The following NAALADL2 variants were observed in gnomAD, a reference collection of about 807,000 sequenced individuals.
NAALADL2 encodes N-acetylated alpha-linked acidic dipeptidase like 2, also known as inactive N-acetylated-alpha-linked acidic dipeptidase-like protein 2.
NAALADL2 carries 76 observed loss-of-function variants against 87.2 expected under a neutral mutation model. The observed-to-expected ratio is 0.87, with a 90% confidence interval of 0.72 to 1.05. The LOEUF is 1.05. Ranked by LOEUF, NAALADL2 falls within the 50% of genes least tolerant of loss-of-function variation. The pLI is 0.00. For missense variants in NAALADL2, 1,089 were observed against 945.8 expected, an observed-to-expected ratio of 1.15 and a Z score of -1.99; for synonymous variants, 354 against 331.0, an observed-to-expected ratio of 1.07 and a Z score of -0.75.
intron 2 of NAALADL2, among the ~76,000 whole-genome samples, chr3:175,231,412 A>G (rs758990416): frequency 2.0e-5 from 3 of 152,154 alleles, no homozygotes; most frequent in Non-Finnish European, 2.9e-5. Flanking sequence ...TACATATCCC[A>G]TAAATTAAAA....
intron 3 of NAALADL2, among the ~76,000 whole-genome samples, chr3:174,740,689 G>A (rs1241860028): frequency 6.6e-6 from 1 of 151,752 alleles, no homozygotes; most frequent in East Asian, 1.9e-4. Context: ...TAAAAATTTA[G>A]CCATAGCTAA....
At chr3:175,236,859 T>C (rs1745987131) in intron 3 of NAALADL2, among the ~76,000 whole-genome samples, 1 of 152,156 alleles carries the variant, frequency 6.6e-6, no homozygotes, top group Admixed American at 6.6e-5. Context: ...AATCATCCCT[T>C]TTATTCTAAC....
At chr3:174,725,064 A>G (rs4585212) in intron 2 of NAALADL2, among the ~76,000 whole-genome samples, 125,694 of 152,080 alleles carry the variant, frequency 0.83, 52,178 homozygotes, top group Middle Eastern at 0.89. Flanking sequence ...AGTGACATTT[A>G]CTAAATTCTA....
intron 1 of NAALADL2, among the ~76,000 whole-genome samples, chr3:175,034,702 A>G (rs939722919): frequency 2.0e-5 from 3 of 152,108 alleles, no homozygotes; most frequent in African/African-American, 7.2e-5. Flanking sequence ...TTTGTCTCCT[A>G]CTGCTGGCTT....
At chr3:175,112,525 T>C (rs377350305) in intron 2 of NAALADL2, 2 of 151,808 alleles carry the variant, frequency 1.3e-5, no homozygotes, top group African/African-American at 4.8e-5. Context: ...TGTCATGACA[T>C]TAGCTAGATA....
At chr3:175,336,475 G>A (rs1005477282) in intron 5 of NAALADL2, among the ~76,000 whole-genome samples, 1 of 152,092 alleles carries the variant, frequency 6.6e-6, no homozygotes, top group African/African-American at 2.4e-5. Context: ...ACATAGAAAT[G>A]TATGGTTTGT....
chr3:174,609,565 T>C (rs1719564119), intron 2 of NAALADL2, among the ~76,000 whole-genome samples: 1 of 152,108 alleles, frequency 6.6e-6, no homozygotes, highest in Non-Finnish European at 1.5e-5. Flanking sequence ...CCATTCACAA[T>C]TGCTTCAAGG....
intron 9 of NAALADL2, among the ~76,000 whole-genome samples, chr3:175,486,336 G>T (rs1447424214): frequency 6.6e-6 from 1 of 152,010 alleles, no homozygotes; most frequent in East Asian, 1.9e-4. Context: ...CTAAAAAGAA[G>T]GCTCACCTCT....
At chr3:174,719,283 C>T (rs972458045) in intron 2 of NAALADL2, among the ~76,000 whole-genome samples, 2 of 152,018 alleles carry the variant, frequency 1.3e-5, no homozygotes, top group African/African-American at 4.8e-5. Flanking sequence ...AAAAATATCC[C>T]ATCTCTTTAT....
At position 175,356,184 on chromosome 3, in the gene NAALADL2, GA is replaced by G. The variant is rs373973913; in HGVS notation, c.1090+31864del. On this transcript the variant is annotated intron_variant, in intron 5 of 13. Coordinates refer to ENST00000454872, the MANE Select transcript of NAALADL2 (RefSeq NM_207015.3). ...GAGGAGTAGGTGGTAAAATGCAGAG[GA>G]AAAAGAAAGTCTTTAAGTCCCTTGA... 3.1e-3 allele frequency among the ~76,000 whole-genome samples: 472 copies of G among 152,122 alleles called. 5 individuals are homozygous for G. Among genetic ancestry groups the G allele is most frequent in the African/African-American group, 0.011 (442 of 41,512 alleles).
intron 1 of NAALADL2, among the ~76,000 whole-genome samples, chr3:174,543,737 G>A (rs1163611251): frequency 1.3e-5 from 2 of 152,134 alleles, no homozygotes; most frequent in South Asian, 2.1e-4. Context: ...GCCAGGTGCT[G>A]TGGCTCACAC....
chr3:175,778,780 G>C (rs548789639), intron 13 of NAALADL2, among the ~76,000 whole-genome samples: 5 of 152,136 alleles, frequency 3.3e-5, no homozygotes, highest in Non-Finnish European at 7.4e-5. Context: ...CATGGAGAGA[G>C]AGAATGGTGG....
chr3:175,396,160 T>C (rs1381460979), intron 5 of NAALADL2, among the ~76,000 whole-genome samples: 3 of 152,236 alleles, frequency 2.0e-5, no homozygotes, highest in South Asian at 2.1e-4. Context: ...TAGGTAACCA[T>C]ATATAGTATG....
chr3:175,180,565 C>G (rs1241669291), intron 2 of NAALADL2, among the ~76,000 whole-genome samples: 1 of 151,912 alleles, frequency 6.6e-6, no homozygotes, highest in Non-Finnish European at 1.5e-5. Flanking sequence ...AGTTCCCACA[C>G]ACTGTATCTC....
intron 11 of NAALADL2, among the ~76,000 whole-genome samples, chr3:175,733,059 TTAAAAA>T (rs1043917523): frequency 9.9e-5 from 15 of 152,030 alleles, no homozygotes; most frequent in African/African-American, 2.9e-4. Flanking sequence ...ACCCCAGAAC[TTAAAAA>T]TAAAAAAGGG....
chr3:174,627,082 A>T (rs1236534407), intron 2 of NAALADL2, among the ~76,000 whole-genome samples: 1 of 152,104 alleles, frequency 6.6e-6, no homozygotes, highest in Non-Finnish European at 1.5e-5. Flanking sequence ...GACCTTAGGG[A>T]TCTAAAAGTT....
In NAALADL2 at chr3:175,205,895, C is replaced by T. The variant is rs76384647; in HGVS notation, c.546-28036C>T. 5.3e-3 allele frequency among the ~76,000 whole-genome samples: 799 copies of T among 151,300 alleles called. 3 individuals carry two copies. The highest frequency in any genetic ancestry group is 0.017 in the Middle Eastern group (5 of 288). On this transcript the variant is annotated intron_variant, in intron 2 of 13. Coordinates refer to ENST00000454872, the MANE Select transcript of NAALADL2 (RefSeq NM_207015.3). ...GGAAATGCAAATCAAAACCATCACG[C>T]GCTACCACCTTACCCCTGCAACAAT...
intron 1 of NAALADL2, among the ~76,000 whole-genome samples, chr3:175,019,923 A>C (rs1751356358): frequency 6.6e-6 from 1 of 152,078 alleles, no homozygotes; most frequent in Non-Finnish European, 1.5e-5. Context: ...GCTATTGGGA[A>C]GAAGGAGTTT....
chr3:175,299,122 G>A (rs1397841730), intron 4 of NAALADL2, among the ~76,000 whole-genome samples: 2 of 152,074 alleles, frequency 1.3e-5, no homozygotes, highest in African/African-American at 4.8e-5. Flanking sequence ...TGTACCATTG[G>A]TCTATATATC....
Sources: gnomAD v4.1 joint callset for allele counts (sites outside exome capture counted in the v4.1 genomes callset) on GRCh38, gnomAD v4.1.1 for gene constraint, MANE v1.5 for transcripts, NCBI Gene and HGNC (gene_info 2026-07-23, HGNC 2026-07-21) for gene names.